The following PIP4K2A variants were observed in gnomAD, a reference collection of about 807,000 sequenced individuals.
The protein encoded by PIP4K2A is phosphatidylinositol-5-phosphate 4-kinase type 2 alpha, also known as phosphatidylinositol 5-phosphate 4-kinase type-2 alpha.
PIP4K2A carries 14 observed loss-of-function variants against 42.9 expected under a neutral mutation model. The observed-to-expected ratio is 0.33, with a 90% confidence interval of 0.22 to 0.51. PIP4K2A has a LOEUF of 0.51. Among genes scored for constraint, PIP4K2A ranks in the 20% least tolerant of loss-of-function variants. PIP4K2A has a pLI of 0.97. For missense variants in PIP4K2A, 434 were observed against 519.8 expected (o/e 0.83, Z 1.61); for synonymous variants, 192 against 192.2 (o/e 1.00, Z 0.01).
At chr10:22,648,898 G>A (rs538806001) in intron 1 of PIP4K2A, among the ~76,000 whole-genome samples, 5 of 152,296 alleles carry the variant, frequency 3.3e-5, no homozygotes, top group African/African-American at 1.2e-4. Flanking sequence ...TCAGAACGTA[G>A]CCCAAAGCCA....
At chr10:22,627,603 A>AT (rs1838471815) in intron 1 of PIP4K2A, among the ~76,000 whole-genome samples, 1 of 56,260 alleles carries the variant, frequency 1.8e-5, no homozygotes, top group South Asian at 5.2e-4. Flanking sequence ...AAAAAAAAAA[A>AT]AAAAAAAAAA....
intron 3 of PIP4K2A, among the ~76,000 whole-genome samples, chr10:22,595,489 G>A (rs1837613813): frequency 6.6e-6 from 1 of 152,200 alleles, no homozygotes; most frequent in South Asian, 2.1e-4. Context: ...GCAGCACAGT[G>A]GCTCATGCCT....
chr10:22,710,628 A>G (rs2130931274), intron 1 of PIP4K2A, among the ~76,000 whole-genome samples: 1 of 152,238 alleles, frequency 6.6e-6, no homozygotes, highest in South Asian at 2.1e-4. Context: ...CACACACTCA[A>G]GCACCCAGCT....
chr10:22,630,403 G>A (rs1838525077), intron 1 of PIP4K2A, among the ~76,000 whole-genome samples: 1 of 152,112 alleles, frequency 6.6e-6, no homozygotes, highest in Non-Finnish European at 1.5e-5. Context: ...TTTAAAGATT[G>A]TTTCAAGTGC....
At chr10:22,664,104 C>CATATATATATACAT (rs1839276996) in intron 1 of PIP4K2A, among the ~76,000 whole-genome samples, 3 of 50,374 alleles carry the variant, frequency 6.0e-5, no homozygotes, top group Admixed American at 2.2e-4. Flanking sequence ...TATATATATA[C>CATATATATATACAT]ATATATATAT....
intron 1 of PIP4K2A, among the ~76,000 whole-genome samples, chr10:22,664,762 A>C (rs1289465687): frequency 6.6e-6 from 1 of 152,182 alleles, no homozygotes; most frequent in Non-Finnish European, 1.5e-5. Flanking sequence ...CCACAGAGCC[A>C]CAGACATCTT....
chr10:22,704,577 C>T (rs563633359), intron 1 of PIP4K2A, among the ~76,000 whole-genome samples: 2 of 145,714 alleles, frequency 1.4e-5, no homozygotes, highest in Non-Finnish European at 3.0e-5. Flanking sequence ...TGCTTGAGAC[C>T]AGGAGTTTGA....
At chr10:22,629,866 G>A (rs1399517881) in intron 1 of PIP4K2A, among the ~76,000 whole-genome samples, 1 of 152,172 alleles carries the variant, frequency 6.6e-6, no homozygotes, top group African/African-American at 2.4e-5. Context: ...GGAGTGAGCA[G>A]GGGAGCCCTC....
intron 3 of PIP4K2A, among the ~76,000 whole-genome samples, chr10:22,593,740 T>C (rs746145974): frequency 3.9e-5 from 6 of 152,250 alleles, no homozygotes. Context: ...GATTGCAGAT[T>C]ATCTTTGGGC....
intron 1 of PIP4K2A, among the ~76,000 whole-genome samples, chr10:22,713,166 A>C (rs1833941616): frequency 6.6e-6 from 1 of 152,132 alleles, no homozygotes; most frequent in African/African-American, 2.4e-5. Flanking sequence ...ATCCTATCGA[A>C]GTGGATTAAA....
chr10:22,609,036 C>A (rs1177926085), intron 2 of PIP4K2A, among the ~76,000 whole-genome samples: 1 of 152,172 alleles, frequency 6.6e-6, no homozygotes, highest in Non-Finnish European at 1.5e-5. Context: ...TGAACTATAG[C>A]AGTTTGTATA....
intron 1 of PIP4K2A, among the ~76,000 whole-genome samples, chr10:22,626,717 TAA>T (rs1232632393): frequency 6.6e-6 from 1 of 152,200 alleles, no homozygotes; most frequent in Non-Finnish European, 1.5e-5. Flanking sequence ...GTGTGGTTTA[TAA>T]AACAACCATA....
intron 6 of PIP4K2A, among the ~76,000 whole-genome samples, chr10:22,562,783 T>C (rs551603546): frequency 6.6e-6 from 1 of 152,216 alleles, no homozygotes; most frequent in Admixed American, 6.5e-5. Flanking sequence ...TGACCGTCCT[T>C]CCAGGGAGGA....
At chr10:22,560,958 C>G (rs1836677647) in intron 6 of PIP4K2A, among the ~76,000 whole-genome samples, 1 of 152,224 alleles carries the variant, frequency 6.6e-6, no homozygotes, top group Non-Finnish European at 1.5e-5. Flanking sequence ...CGCTCGCTAG[C>G]AGGCAGCATG....
intron 3 of PIP4K2A, among the ~76,000 whole-genome samples, chr10:22,602,047 C>T (rs776764304): frequency 1.3e-5 from 2 of 152,162 alleles, no homozygotes; most frequent in Non-Finnish European, 2.9e-5. Context: ...CTCCTGATTT[C>T]CTTATCTCCC....
chr10:22,596,461 C>T lies in PIP4K2A; in HGVS notation c.340-4680G>A, dbSNP rs138997304. On this transcript the variant is annotated intron_variant, in intron 3 of 9. Transcript: ENST00000376573. ...GTATTCAGGACAACGTCAGCTAGAA[C>T]GAGCACATGAGCTCAGGGAAGGAGG... Among the ~76,000 whole-genome samples, 448 of 152,324 alleles carry T rather than the reference C, an allele frequency of 2.9e-3. 3 individuals carry two copies. The highest frequency in any genetic ancestry group is 9.6e-3 in the African/African-American group (398 of 41,578).
At chr10:22,667,896 T>C (rs983397137) in intron 1 of PIP4K2A, among the ~76,000 whole-genome samples, 3 of 148,732 alleles carry the variant, frequency 2.0e-5, no homozygotes, top group South Asian at 2.1e-4. Context: ...TGTGTGTGTG[T>C]GTGTGTGTGT....
chr10:22,664,258 T>TA (rs1291592109), intron 1 of PIP4K2A, among the ~76,000 whole-genome samples: 1 of 139,284 alleles, frequency 7.2e-6, no homozygotes, highest in Non-Finnish European at 1.5e-5. Context: ...CACATATATA[T>TA]ATACACACAC....
intron 1 of PIP4K2A, among the ~76,000 whole-genome samples, chr10:22,680,609 G>A (rs779874507): frequency 1.3e-5 from 2 of 152,098 alleles, no homozygotes; most frequent in Non-Finnish European, 2.9e-5. Context: ...GTAACACTGC[G>A]TAAAAAACAC....
Sources: gnomAD v4.1 joint callset for allele counts (sites outside exome capture counted in the v4.1 genomes callset) on GRCh38, gnomAD v4.1.1 for gene constraint, MANE v1.5 for transcripts, NCBI Gene and HGNC (gene_info 2026-07-23, HGNC 2026-07-21) for gene names.